Variants in MARCHF1 observed in about 807,000 individuals in gnomAD.
MARCHF1 encodes membrane associated ring-CH-type finger 1.
MARCHF1 carries 40 observed loss-of-function variants against 54.2 expected under a neutral mutation model. The ratio of observed to expected loss-of-function variants is 0.74; its 90% CI spans 0.57 to 0.96. The LOEUF (loss-of-function observed/expected upper bound fraction) is 0.96. MARCHF1 is among the 40% of genes least tolerant of loss of function. MARCHF1 has a pLI of 0.00. For missense variants in MARCHF1, 586 were observed against 656.5 expected (o/e 0.89, Z 1.17); for synonymous variants, 236 against 236.3 (o/e 1.00, Z 0.01).
chr4:163,687,429 T>C (rs1368336482), intron 5 of MARCHF1, among the ~76,000 whole-genome samples: 1 of 152,144 alleles, frequency 6.6e-6, no homozygotes, highest in Admixed American at 6.6e-5. Flanking sequence ...GGTTTCACCA[T>C]GTTGGCCAGG....
At chr4:163,994,749 ACACACAC>A (rs1753036458) in intron 2 of MARCHF1, among the ~76,000 whole-genome samples, 1 of 19,882 alleles carries the variant, frequency 5.0e-5, no homozygotes, top group South Asian at 2.3e-3. Context: ...ATACACACAC[ACACACAC>A]ACACACACAC....
chr4:164,337,924 GC>G (rs1729799389), intron 1 of MARCHF1, among the ~76,000 whole-genome samples: 1 of 152,136 alleles, frequency 6.6e-6, no homozygotes, highest in African/African-American at 2.4e-5. Context: ...TCTAAAGAAG[GC>G]ACAAGAGGCA....
chr4:164,095,663 T>C (rs1023894704), intron 2 of MARCHF1, among the ~76,000 whole-genome samples: 1 of 152,008 alleles, frequency 6.6e-6, no homozygotes, highest in African/African-American at 2.4e-5. Flanking sequence ...GTAACCAAAC[T>C]TTCATCCCTA....
At chr4:164,030,910 G>T (rs1753863310) in intron 2 of MARCHF1, among the ~76,000 whole-genome samples, 1 of 152,082 alleles carries the variant, frequency 6.6e-6, no homozygotes, top group African/African-American at 2.4e-5. Flanking sequence ...AGGAATGCTT[G>T]TGATTTTTGC....
chr4:164,228,508 A>G (rs932014771), intron 1 of MARCHF1, among the ~76,000 whole-genome samples: 1 of 152,170 alleles, frequency 6.6e-6, no homozygotes, highest in African/African-American at 2.4e-5. Flanking sequence ...TTCCTCCAAA[A>G]CAGCATAAGA....
chr4:164,255,626 A>C (rs1302540220), intron 1 of MARCHF1, among the ~76,000 whole-genome samples: 2 of 152,124 alleles, frequency 1.3e-5, no homozygotes, highest in African/African-American at 2.4e-5. Flanking sequence ...GGAAAAAGTA[A>C]TATCAGACAA....
intron 2 of MARCHF1, among the ~76,000 whole-genome samples, chr4:164,080,947 G>A (rs1350956451): frequency 2.0e-5 from 3 of 151,262 alleles, no homozygotes; most frequent in Non-Finnish European, 2.9e-5. Context: ...GGTGGCTCAC[G>A]CCTGTAATCC....
At chr4:163,681,217 C>CT (rs891397718) in intron 5 of MARCHF1, among the ~76,000 whole-genome samples, 14 of 152,002 alleles carry the variant, frequency 9.2e-5, no homozygotes, top group Non-Finnish European at 1.6e-4. Context: ...AGTTTTCCGA[C>CT]TTTTTTATAC....
rs771096542 is a variant in MARCHF1, at chr4:163,854,111, C to T, written c.21G>A (p.Ala7=). 8.3e-5 allele frequency: 127 copies of T among 1,536,088 alleles called. No homozygotes were observed. The African/African-American group carries it at 1.0e-3, about 13-fold the overall frequency. ...GAATTCTGTGAGGGTTACGGGCTAT[C>T]GCTTCACACCAGCCCAGCATTTTCT... The part of the protein sequence containing the change: MLGWCE[A]IARNPHRIPN... Residue 7 remains alanine, a synonymous_variant, in exon 4 of 10, where the codon GCG becomes GCA. Transcript: ENST00000514618.
At chr4:163,603,637 G>A (rs1290370769) in intron 7 of MARCHF1, among the ~76,000 whole-genome samples, 2 of 152,038 alleles carry the variant, frequency 1.3e-5, no homozygotes, top group African/African-American at 2.4e-5. Flanking sequence ...TTCACTGGAC[G>A]TTTGATCTTG....
intron 4 of MARCHF1, among the ~76,000 whole-genome samples, chr4:163,719,549 A>G (rs1419228623): frequency 1.3e-5 from 2 of 152,162 alleles, no homozygotes; most frequent in Admixed American, 1.3e-4. Context: ...TATACGCAGT[A>G]ATGGGATGGC....
chr4:164,009,583 A>T (rs954439746), intron 2 of MARCHF1, among the ~76,000 whole-genome samples: 1 of 152,216 alleles, frequency 6.6e-6, no homozygotes, highest in Non-Finnish European at 1.5e-5. Flanking sequence ...CATGTTAAAA[A>T]ATCATTCACC....
intron 1 of MARCHF1, among the ~76,000 whole-genome samples, chr4:164,172,996 A>G (rs536433989): frequency 6.6e-6 from 1 of 151,922 alleles, no homozygotes; most frequent in East Asian, 1.9e-4. Context: ...AAAAAAAAAA[A>G]GTCACTGTAA....
At chr4:164,222,888 G>C (rs1280514368) in intron 1 of MARCHF1, among the ~76,000 whole-genome samples, 1 of 152,006 alleles carries the variant, frequency 6.6e-6, no homozygotes, top group African/African-American at 2.4e-5. Context: ...ACCCAAGACT[G>C]GGTAATTTAT....
At chr4:164,230,853 T>C (rs775789479) in intron 1 of MARCHF1, among the ~76,000 whole-genome samples, 3 of 152,184 alleles carry the variant, frequency 2.0e-5, no homozygotes, top group Non-Finnish European at 4.4e-5. Flanking sequence ...TTAGGATGTG[T>C]ATTTGCTTTT....
chr4:163,589,518 A>G (rs573191118), intron 7 of MARCHF1, among the ~76,000 whole-genome samples: 1 of 152,082 alleles, frequency 6.6e-6, no homozygotes, highest in Non-Finnish European at 1.5e-5. Context: ...AATCATGTTG[A>G]GATTGTTCTA....
intron 2 of MARCHF1, among the ~76,000 whole-genome samples, chr4:163,994,884 G>T (rs1232260313): frequency 6.6e-6 from 1 of 151,752 alleles, no homozygotes; most frequent in African/African-American, 2.4e-5. Context: ...GCCTTGTAAT[G>T]AAATATCTTA....
chr4:164,185,809 CAA>C (rs33914299), intron 1 of MARCHF1, among the ~76,000 whole-genome samples: 1 of 149,522 alleles, frequency 6.7e-6, no homozygotes, highest in African/African-American at 2.5e-5. Flanking sequence ...CACACACACA[CAA>C]AAAAAAAAAC....
At chr4:163,859,366 T>C in intron 3 of MARCHF1, among the ~76,000 whole-genome samples, 1 of 126,380 alleles carries the variant, frequency 7.9e-6, no homozygotes, top group African/African-American at 3.3e-5. Context: ...AGAGAAAAGC[T>C]TTTTTTTTTT....
Sources: gnomAD v4.1 joint callset for allele counts (sites outside exome capture counted in the v4.1 genomes callset) on GRCh38, gnomAD v4.1.1 for gene constraint, MANE v1.5 for transcripts, NCBI Gene and HGNC (gene_info 2026-07-23, HGNC 2026-07-21) for gene names.